The following ASPRV1 variants were observed in gnomAD, a reference collection of about 807,000 sequenced individuals.
ASPRV1 encodes retroviral-like aspartic protease 1.
Under a neutral mutation model 11.0 loss-of-function variants are expected in ASPRV1, and 7 were observed. The ratio of observed to expected loss-of-function variants is 0.64; its 90% CI spans 0.36 to 1.20. The LOEUF (loss-of-function observed/expected upper bound fraction) is 1.20, where lower values mean the gene tolerates loss of function less well. ASPRV1 is among the 50% of genes most tolerant of loss of function. The pLI, the probability that ASPRV1 is intolerant of heterozygous loss-of-function variation, is 0.02. For missense variants in ASPRV1, 299 were observed against 320.0 expected, an observed-to-expected ratio of 0.93 and a Z score of 0.50; for synonymous variants, 136 against 138.4, an observed-to-expected ratio of 0.98 and a Z score of 0.12.
the ASPRV1 span, chr2:69,938,119 G>A: frequency 6.2e-7 from 1 of 1,614,224 alleles, no homozygotes; most frequent in Non-Finnish European, 8.5e-7. Flanking sequence ...TTGACGTGGA[G>A]AGCACGGACT....
At chr2:70,063,381 T>C in the ASPRV1 span, among the ~76,000 whole-genome samples, 1 of 152,182 alleles carries the variant, frequency 6.6e-6, no homozygotes, top group Admixed American at 6.5e-5. Context: ...TCCCGTACTA[T>C]ATTCTACAGA....
chr2:69,994,539 G>A, the ASPRV1 span, among the ~76,000 whole-genome samples: 2 of 152,180 alleles, frequency 1.3e-5, no homozygotes, highest in Non-Finnish European at 2.9e-5. Context: ...CGGGCAGCCT[G>A]GGCTGTGTTT....
At chr2:69,948,767 C>T in the ASPRV1 span, among the ~76,000 whole-genome samples, 3 of 151,646 alleles carry the variant, frequency 2.0e-5, no homozygotes, top group South Asian at 4.1e-4. Context: ...CCCTGTCTCC[C>T]GCTCTGCCCA....
the ASPRV1 span, among the ~76,000 whole-genome samples, chr2:70,038,817 G>A: frequency 0.015 from 2,329 of 152,272 alleles, 69 homozygotes; most frequent in African/African-American, 0.052. Context: ...GGTGGCTTAC[G>A]CCTGTAATCC....
the ASPRV1 span, among the ~76,000 whole-genome samples, chr2:70,014,392 G>GCACA: frequency 4.6e-5 from 7 of 152,092 alleles, no homozygotes; most frequent in East Asian, 1.3e-3. Flanking sequence ...AGATATACAA[G>GCACA]CACAATAAGC....
At chr2:70,077,080 C>T in the ASPRV1 span, among the ~76,000 whole-genome samples, 1 of 152,178 alleles carries the variant, frequency 6.6e-6, no homozygotes, top group African/African-American at 2.4e-5. Flanking sequence ...GTCTATGCTC[C>T]TCACTCCTAC....
rs780283982 is a variant in ASPRV1, at chr2:69,961,400, G to A, written c.37C>T (p.Arg13Trp). The change falls in exon 1 of 1, where the codon CGG becomes TGG. Residue 13 changes from arginine (R) to tryptophan (W), a missense_variant. By Grantham distance (101) the Arg-to-Trp change is moderately radical. Transcript: ENST00000320256. ...GSGARSEEGR[R>W]QHAFVPEPFD... ...GGTTCCGGGACGAAGGCATGCTGCCGGCGGCCTTCCTCACTCCTGGCTCCG... is the reference window on the plus strand; with the variant it reads ...GGTTCCGGGACGAAGGCATGCTGCCAGCGGCCTTCCTCACTCCTGGCTCCG... The A allele has an allele frequency of 8.1e-6, 13 of 1,613,920 alleles. No homozygotes were observed. Among genetic ancestry groups the A allele is most frequent in the African/African-American group, 2.7e-5 (2 of 74,922 alleles).
chr2:70,035,798 T>C, the ASPRV1 span, among the ~76,000 whole-genome samples: 5 of 151,712 alleles, frequency 3.3e-5, no homozygotes, highest in Non-Finnish European at 7.4e-5. Flanking sequence ...TCAGGATCTC[T>C]ATCAGCTAGC....
the ASPRV1 span, among the ~76,000 whole-genome samples, chr2:69,990,853 T>C: frequency 1.3e-5 from 2 of 152,098 alleles, no homozygotes; most frequent in Non-Finnish European, 2.9e-5. Context: ...GAAGGGACAT[T>C]AGGCGCCCTC....
At chr2:70,016,302 G>T in the ASPRV1 span, 3 of 152,110 alleles carry the variant, frequency 2.0e-5, no homozygotes, top group African/African-American at 7.2e-5. Flanking sequence ...CAACATGCTC[G>T]TGAACAATAG....
chr2:70,077,031 G>A, the ASPRV1 span, among the ~76,000 whole-genome samples: 1 of 152,156 alleles, frequency 6.6e-6, no homozygotes, highest in Non-Finnish European at 1.5e-5. Flanking sequence ...TCAGTTACCG[G>A]CAAAACTTAG....
At chr2:69,999,965 C>A in the ASPRV1 span, among the ~76,000 whole-genome samples, 19 of 152,182 alleles carry the variant, frequency 1.2e-4, no homozygotes, top group Non-Finnish European at 2.1e-4. Context: ...CCCCGCTCGC[C>A]TCCTCTCTAG....
chr2:69,972,489 C>A, the ASPRV1 span, among the ~76,000 whole-genome samples: 1 of 151,704 alleles, frequency 6.6e-6, no homozygotes, highest in East Asian at 1.9e-4. Flanking sequence ...TCCCAAGTAG[C>A]TGGGATTACA....
At position 69,961,204 on chromosome 2, in the gene ASPRV1, C is replaced by T. The variant is rs778702426; in HGVS notation, c.233G>A (p.Gly78Glu). 9 of 1,613,926 alleles carry T rather than the reference C, an allele frequency of 5.6e-6. No individual in the cohort carries two copies. The highest frequency in any genetic ancestry group is 7.6e-6 in the Non-Finnish European group (9 of 1,179,958). The change falls in exon 1 of 1, where the codon GGG (glycine) becomes GAG (glutamate). Residue 78 changes from glycine to glutamate, a missense_variant. Physicochemically the swap from Gly to Glu is moderately conservative, Grantham distance 98. Coordinates refer to ENST00000320256, the MANE Select transcript of ASPRV1 (RefSeq NM_152792.4). Reference protein sequence around the residue: ...RLSPQDQGDYGTVKEALLKAF... With the variant: ...RLSPQDQGDYETVKEALLKAF... ...CTTCAGGAGGGCCTCTTTCACAGTC[C>T]CATAGTCTCCCTGGTCCTGGGGACT...
the ASPRV1 span, among the ~76,000 whole-genome samples, chr2:70,084,167 T>C: frequency 6.6e-6 from 1 of 152,144 alleles, no homozygotes; most frequent in Non-Finnish European, 1.5e-5. Context: ...CAGGAAATTA[T>C]GGAAATATTT....
chr2:69,949,804 C>T, the ASPRV1 span, among the ~76,000 whole-genome samples: 1 of 151,946 alleles, frequency 6.6e-6, no homozygotes, highest in South Asian at 2.1e-4. Context: ...TGATTTGGCA[C>T]ATGCATATGT....
At chr2:69,986,089 C>CA in the ASPRV1 span, among the ~76,000 whole-genome samples, 1 of 152,226 alleles carries the variant, frequency 6.6e-6, no homozygotes, top group African/African-American at 2.4e-5. Context: ...TATGGAGACT[C>CA]AGAGCAGGGG....
At chr2:70,042,329 G>C in the ASPRV1 span, among the ~76,000 whole-genome samples, 1 of 152,134 alleles carries the variant, frequency 6.6e-6, no homozygotes, top group East Asian at 1.9e-4. Context: ...CGAAGTTCAA[G>C]GTGGTCAACA....
At chr2:70,024,358 T>C in the ASPRV1 span, among the ~76,000 whole-genome samples, 83,454 of 152,076 alleles carry the variant, frequency 0.55, 26,194 homozygotes, top group African/African-American at 0.86. Context: ...AGTCGTTCAT[T>C]AGTTGCAGTC....
Sources: gnomAD v4.1 joint callset for allele counts (sites outside exome capture counted in the v4.1 genomes callset) on GRCh38, gnomAD v4.1.1 for gene constraint, MANE v1.5 for transcripts, NCBI Gene and HGNC (gene_info 2026-07-23, HGNC 2026-07-21) for gene names.